CSMD1: variants seen among roughly 807,000 people sequenced by gnomAD.
The protein encoded by CSMD1 is CUB and sushi domain-containing protein 1.
A neutral mutation model predicts 417.5 loss-of-function variants in CSMD1; 213 were observed. The observed-to-expected ratio is 0.51, with a 90% confidence interval of 0.46 to 0.57. CSMD1 has a LOEUF of 0.57. Among genes scored for constraint, CSMD1 ranks in the 20% least tolerant of loss-of-function variants. CSMD1 has a pLI of 0.00. For synonymous variants in CSMD1, 2,862 were observed against 1,736.8 expected, an observed-to-expected ratio of 1.65 and a Z score of -16.11; for missense variants, 6,923 against 4,529.7, an observed-to-expected ratio of 1.53 and a Z score of -15.17.
At chr8:3,867,795 T>C (rs751522557) in intron 5 of CSMD1, among the ~76,000 whole-genome samples, 2 of 152,102 alleles carry the variant, frequency 1.3e-5, no homozygotes, top group South Asian at 2.1e-4. Context: ...ATGTGGAGTA[T>C]GACTCACATT....
chr8:3,645,880 T>C (rs1797548035), intron 7 of CSMD1, among the ~76,000 whole-genome samples: 1 of 152,172 alleles, frequency 6.6e-6, no homozygotes, highest in African/African-American at 2.4e-5. Context: ...ATAGGGCAAA[T>C]TACATATGAA....
chr8:4,073,082 G>T (rs1399856544), intron 3 of CSMD1, among the ~76,000 whole-genome samples: 1 of 152,128 alleles, frequency 6.6e-6, no homozygotes, highest in African/African-American at 2.4e-5. Flanking sequence ...TTCTCTTTAT[G>T]ATCCACTATG....
rs868257436 is a variant in CSMD1, at chr8:4,295,393, C to A, written c.415+124560G>T. Among the ~76,000 whole-genome samples the A allele has an allele frequency of 3.5e-5, 5 of 143,294 alleles. No homozygotes were observed. The Admixed American group carries it at 3.6e-4, about 10-fold the overall frequency. 94.0% of individuals were successfully genotyped at this position (143,294 alleles called of 152,430 possible). ...ATGTATCTTATTATACACATATAAT[C>A]TTAAGATTATATAATCTTATTATAC... On this transcript the variant is annotated intron_variant, in intron 3 of 69. Coordinates refer to ENST00000635120, the MANE Select transcript of CSMD1 (RefSeq NM_033225.6).
At chr8:4,827,492 T>C (rs984205767) in intron 1 of CSMD1, among the ~76,000 whole-genome samples, 3 of 152,190 alleles carry the variant, frequency 2.0e-5, no homozygotes, top group Admixed American at 2.0e-4. Flanking sequence ...TAAGATGAAC[T>C]GAATATTTTT....
At chr8:4,827,479 A>G (rs1799901882) in intron 1 of CSMD1, among the ~76,000 whole-genome samples, 2 of 152,182 alleles carry the variant, frequency 1.3e-5, no homozygotes, top group African/African-American at 4.8e-5. Flanking sequence ...AACAAAGTGC[A>G]CTTAAGATGA....
chr8:4,116,783 C>T (rs1426716229), intron 3 of CSMD1, among the ~76,000 whole-genome samples: 2 of 151,710 alleles, frequency 1.3e-5, no homozygotes, highest in African/African-American at 2.4e-5. Context: ...ATAGTCTGTT[C>T]GGTTTTGCTG....
chr8:3,712,900 G>C (rs1369447882), intron 6 of CSMD1, among the ~76,000 whole-genome samples: 1 of 152,164 alleles, frequency 6.6e-6, no homozygotes, highest in Non-Finnish European at 1.5e-5. Flanking sequence ...CAGTTTGACA[G>C]AAGGAATAAG....
intron 3 of CSMD1, among the ~76,000 whole-genome samples, chr8:4,343,760 G>A (rs1194354135): frequency 6.6e-6 from 1 of 151,952 alleles, no homozygotes; most frequent in South Asian, 2.1e-4. Context: ...GTGCACTGGG[G>A]CTCATCTTTC....
In CSMD1 at chr8:4,291,682, C is replaced by A. The variant is rs548254778; in HGVS notation, c.415+128271G>T. Among the ~76,000 whole-genome samples, 2 of 152,210 alleles carry A rather than the reference C, an allele frequency of 1.3e-5. 1 individual carries two copies. The highest frequency in any genetic ancestry group is 4.8e-5 in the African/African-American group (2 of 41,544). On this transcript the variant is annotated intron_variant, in intron 3 of 69. Transcript: ENST00000635120. ...TTTCCTACCAGAAAGATACAAAATTCTTTATTCAACGGGTGGTAAAATTCA... is the reference window on the plus strand; with the variant it reads ...TTTCCTACCAGAAAGATACAAAATTATTTATTCAACGGGTGGTAAAATTCA...
intron 10 of CSMD1, among the ~76,000 whole-genome samples, chr8:3,528,066 A>G (rs13275302): frequency 0.13 from 20,000 of 151,940 alleles, 1,486 homozygotes; most frequent in East Asian, 0.27. Flanking sequence ...AATCCAAACC[A>G]CCCCCATATA....
chr8:4,609,045 T>A (rs958441265), intron 2 of CSMD1, among the ~76,000 whole-genome samples: 1 of 150,078 alleles, frequency 6.7e-6, no homozygotes, highest in African/African-American at 2.5e-5. Flanking sequence ...ATCTGAGGAG[T>A]TGGGCTGAAA....
At chr8:3,724,868 A>G (rs1408492810) in intron 6 of CSMD1, among the ~76,000 whole-genome samples, 3 of 152,238 alleles carry the variant, frequency 2.0e-5, no homozygotes, top group Non-Finnish European at 4.4e-5. Flanking sequence ...GCTTTACTTT[A>G]AAATTCAGAC....
intron 4 of CSMD1, among the ~76,000 whole-genome samples, chr8:4,009,409 A>G (rs1170460377): frequency 6.6e-6 from 1 of 152,232 alleles, no homozygotes; most frequent in Admixed American, 6.5e-5. Flanking sequence ...ATCATAAAGA[A>G]AAATTGAAAT....
intron 7 of CSMD1, among the ~76,000 whole-genome samples, chr8:3,662,539 C>T (rs536285682): frequency 9.2e-5 from 14 of 152,276 alleles, no homozygotes; most frequent in Admixed American, 5.9e-4. Flanking sequence ...ACTTAAAATC[C>T]TTTTGGCTAT....
At position 4,873,659 on chromosome 8, in the gene CSMD1, C is replaced by A. The variant is rs769698006; in HGVS notation, c.85+120673G>T. ...TTCCTCCATTCAACTTTCCATCTAT[C>A]CATTCAGTAAACACTTATTGATGAT... On this transcript the variant is annotated intron_variant, in intron 1 of 69. Coordinates refer to ENST00000635120, the MANE Select transcript of CSMD1 (RefSeq NM_033225.6). Among the ~76,000 whole-genome samples, 3 of 152,090 alleles carry A rather than the reference C, an allele frequency of 2.0e-5. No homozygotes were observed. The East Asian group carries it at 5.8e-4, about 29-fold the overall frequency.
At chr8:2,985,450 C>T (rs112717436) in intron 54 of CSMD1, among the ~76,000 whole-genome samples, 142 of 152,044 alleles carry the variant, frequency 9.3e-4, no homozygotes, top group African/African-American at 3.1e-3. Flanking sequence ...TGTTTCACCA[C>T]GTGAGGGAGG....
intron 3 of CSMD1, among the ~76,000 whole-genome samples, chr8:4,325,713 A>G (rs1279439622): frequency 6.6e-6 from 1 of 152,132 alleles, no homozygotes; most frequent in African/African-American, 2.4e-5. Context: ...CTCAGTGATT[A>G]TAGATGGAAT....
At chr8:4,427,068 A>C (rs1466024929) in intron 2 of CSMD1, among the ~76,000 whole-genome samples, 1 of 152,032 alleles carries the variant, frequency 6.6e-6, no homozygotes, top group Non-Finnish European at 1.5e-5. Flanking sequence ...AGAGCTTGGG[A>C]GATCAAAGAG....
chr8:3,445,186 T>C (rs1815221439), intron 12 of CSMD1, among the ~76,000 whole-genome samples: 1 of 152,196 alleles, frequency 6.6e-6, no homozygotes, highest in African/African-American at 2.4e-5. Flanking sequence ...CTTTTAATAA[T>C]TCTTTTATCA....
Sources: gnomAD v4.1 joint callset for allele counts (sites outside exome capture counted in the v4.1 genomes callset) on GRCh38, gnomAD v4.1.1 for gene constraint, MANE v1.5 for transcripts, NCBI Gene and HGNC (gene_info 2026-07-23, HGNC 2026-07-21) for gene names.